The following SLC24A2 variants were observed in gnomAD, a reference collection of about 807,000 sequenced individuals.
SLC24A2 encodes sodium/potassium/calcium exchanger 2.
SLC24A2 carries 36 observed loss-of-function variants against 62.0 expected under a neutral mutation model. The ratio of observed to expected loss-of-function variants is 0.58; its 90% CI spans 0.44 to 0.77. The LOEUF is 0.77. SLC24A2 is among the 30% of genes least tolerant of loss of function. The pLI, the probability that SLC24A2 is intolerant of heterozygous loss-of-function variation, is 0.00. For synonymous variants in SLC24A2, 358 were observed against 294.0 expected (o/e 1.22, Z -2.23); for missense variants, 846 against 817.9 (o/e 1.03, Z -0.42).
At chr9:19,958,768 A>G in the SLC24A2 span, among the ~76,000 whole-genome samples, 1 of 152,230 alleles carries the variant, frequency 6.6e-6, no homozygotes, top group African/African-American at 2.4e-5. Flanking sequence ...GAAATAAAAG[A>G]CAAGGCATGT....
the SLC24A2 span, among the ~76,000 whole-genome samples, chr9:20,048,261 C>T: frequency 6.6e-6 from 1 of 152,152 alleles, no homozygotes; most frequent in East Asian, 1.9e-4. Context: ...TAGTTGTTGA[C>T]ATTAAAACAT....
At chr9:19,760,683 A>C (rs1822293597) in intron 2 of SLC24A2, among the ~76,000 whole-genome samples, 1 of 152,144 alleles carries the variant, frequency 6.6e-6, no homozygotes, top group African/African-American at 2.4e-5. Flanking sequence ...ATGTCCCTGC[A>C]AAGGACATTA....
At chr9:19,963,830 A>G in the SLC24A2 span, among the ~76,000 whole-genome samples, 1,299 of 152,240 alleles carry the variant, frequency 8.5e-3, 23 homozygotes, top group African/African-American at 0.027. Flanking sequence ...GGGGACCTAG[A>G]ACTAGAAATA....
In SLC24A2 at chr9:19,516,187, T is replaced by G. The variant is rs748529310; in HGVS notation, c.1952A>C (p.Glu651Ala). The change falls in exon 11 of 11, where the codon GAA (glutamate) becomes GCA (alanine). Residue 651 changes from glutamate (E) to alanine (A), a missense_variant. By Grantham distance (107) the Glu-to-Ala change is moderately radical (BLOSUM62 -1). Transcript: ENST00000341998. ...FVFLVVSVLL[E>A]DRILTCPVSI ...GACGGGGCATGTAAGAATTCTGTCT[T>G]CTAGGAGAACGCTCACCACCAGGAA... 2 of 1,614,114 alleles carry G rather than the reference T, an allele frequency of 1.2e-6. No homozygotes were observed. The highest frequency in any genetic ancestry group is 1.7e-6 in the Non-Finnish European group (2 of 1,180,000).
At chr9:19,921,086 G>A in the SLC24A2 span, among the ~76,000 whole-genome samples, 1 of 148,144 alleles carries the variant, frequency 6.8e-6, no homozygotes, top group African/African-American at 2.5e-5. Flanking sequence ...TATGGGGGGG[G>A]GGTGTTCCAA....
chr9:20,210,870 G>A, the SLC24A2 span, among the ~76,000 whole-genome samples: 6 of 151,326 alleles, frequency 4.0e-5, no homozygotes, highest in African/African-American at 1.5e-4. Context: ...GAGGGGAGAG[G>A]AAGAGAAATT....
chr9:20,120,925 T>C, the SLC24A2 span, among the ~76,000 whole-genome samples: 1 of 141,398 alleles, frequency 7.1e-6, no homozygotes, highest in Non-Finnish European at 1.5e-5. Context: ...TGCAAATCAA[T>C]TGATTGTATA....
At chr9:19,961,015 G>GA in the SLC24A2 span, among the ~76,000 whole-genome samples, 1 of 138,244 alleles carries the variant, frequency 7.2e-6, no homozygotes, top group Admixed American at 7.9e-5. Flanking sequence ...TTCAGGATTA[G>GA]AGGGGTGGGT....
At chr9:19,609,022 T>C (rs1375360243) in intron 4 of SLC24A2, among the ~76,000 whole-genome samples, 1 of 152,188 alleles carries the variant, frequency 6.6e-6, no homozygotes, top group Non-Finnish European at 1.5e-5. Flanking sequence ...CAAAACTCAC[T>C]TTCTCCAGGA....
the SLC24A2 span, among the ~76,000 whole-genome samples, chr9:20,274,749 A>C: frequency 1.9e-4 from 29 of 151,956 alleles, no homozygotes; most frequent in Non-Finnish European, 2.2e-4. Flanking sequence ...TTGTCCCCCA[A>C]GGATAGTGGA....
the SLC24A2 span, among the ~76,000 whole-genome samples, chr9:20,206,298 G>C: frequency 3.3e-5 from 5 of 152,062 alleles, no homozygotes; most frequent in African/African-American, 1.2e-4. Context: ...TAAATCAAAA[G>C]AGCATATTAC....
intron 8 of SLC24A2, among the ~76,000 whole-genome samples, chr9:19,530,755 T>C (rs138781652): frequency 6.6e-6 from 1 of 152,188 alleles, no homozygotes; most frequent in South Asian, 2.1e-4. Context: ...CCATACCTAA[T>C]GTTGCATTAG....
chr9:19,746,102 T>C (rs73432029), intron 2 of SLC24A2, among the ~76,000 whole-genome samples: 2,222 of 152,120 alleles, frequency 0.015, 42 homozygotes, highest in African/African-American at 0.05. Context: ...CTGTTTTTTT[T>C]TCTCTCTTTT....
At chr9:19,734,141 G>C (rs559880110) in intron 2 of SLC24A2, among the ~76,000 whole-genome samples, 2 of 152,216 alleles carry the variant, frequency 1.3e-5, no homozygotes, top group South Asian at 2.1e-4. Context: ...ATTAAATAGG[G>C]AATCCTTTCC....
chr9:20,101,746 T>A, the SLC24A2 span, among the ~76,000 whole-genome samples: 1 of 151,704 alleles, frequency 6.6e-6, no homozygotes, highest in Non-Finnish European at 1.5e-5. Flanking sequence ...GAAAAAAATG[T>A]TTTTTTTAAG....
At chr9:19,990,919 T>C in the SLC24A2 span, among the ~76,000 whole-genome samples, 1 of 21,580 alleles carries the variant, frequency 4.6e-5, no homozygotes, top group South Asian at 7.8e-4. Flanking sequence ...ACAGGACTAA[T>C]AGGATATATA....
chr9:19,685,308 T>C (rs143569540), intron 2 of SLC24A2, among the ~76,000 whole-genome samples: 2 of 152,258 alleles, frequency 1.3e-5, no homozygotes, highest in East Asian at 3.9e-4. Context: ...ATTGGAAGAA[T>C]CAATATTGTT....
At chr9:19,939,988 C>G in the SLC24A2 span, among the ~76,000 whole-genome samples, 60 of 152,358 alleles carry the variant, frequency 3.9e-4, no homozygotes, top group Non-Finnish European at 6.8e-4. Flanking sequence ...TTAACAATAG[C>G]ACTTCAACTG....
At chr9:20,010,887 G>A in the SLC24A2 span, among the ~76,000 whole-genome samples, 1 of 151,134 alleles carries the variant, frequency 6.6e-6, no homozygotes, top group Admixed American at 6.6e-5. Context: ...GTGATAGTTT[G>A]CTGAGAATGA....
Sources: allele counts gnomAD v4.1 joint callset (sites outside exome capture counted in the v4.1 genomes callset), GRCh38; gene constraint gnomAD v4.1.1; transcripts MANE v1.5; gene names NCBI Gene and HGNC (gene_info 2026-07-23, HGNC 2026-07-21).